ABL1: variants seen among roughly 807,000 people sequenced by gnomAD.
ABL1 encodes tyrosine-protein kinase ABL1.
ABL1 carries 11 observed loss-of-function variants against 94.7 expected under a neutral mutation model. That is an observed-to-expected ratio of 0.12 (90% confidence interval 0.07 to 0.19). The LOEUF (loss-of-function observed/expected upper bound fraction) is 0.19. ABL1 is among the 10% of genes least tolerant of loss of function. The pLI, the probability that ABL1 is intolerant of heterozygous loss-of-function variation, is 1.00. For synonymous variants in ABL1, 656 were observed against 622.4 expected (o/e 1.05, Z -0.80); for missense variants, 1,082 against 1,489.4 (o/e 0.73, Z 4.50).
At chr9:130,876,700 CG>C (rs1831349423) in intron 7 of ABL1, among the ~76,000 whole-genome samples, 1 of 145,844 alleles carries the variant, frequency 6.9e-6, no homozygotes, top group South Asian at 2.2e-4. Context: ...GGATTACAGG[CG>C]TGAGCCACCA....
intron 1 of ABL1, among the ~76,000 whole-genome samples, chr9:130,819,263 A>C (rs1830327414): frequency 1.3e-5 from 2 of 152,108 alleles, no homozygotes; most frequent in Non-Finnish European, 2.9e-5. Context: ...GAGGCAGGAG[A>C]ATCGCTTGAA....
At chr9:130,738,356 T>G (rs1278116449) in intron 1 of ABL1, among the ~76,000 whole-genome samples, 1 of 152,226 alleles carries the variant, frequency 6.6e-6, no homozygotes, top group African/African-American at 2.4e-5. Context: ...GAATAACTTT[T>G]AATATTTAAT....
chr9:130,858,010 G>A (rs184618763), intron 3 of ABL1, among the ~76,000 whole-genome samples: 1 of 152,108 alleles, frequency 6.6e-6, no homozygotes, highest in African/African-American at 2.4e-5. Flanking sequence ...AGGGTGCACC[G>A]CCCATGGGGG....
At chr9:130,768,481 A>G (rs1316158606) in intron 1 of ABL1, among the ~76,000 whole-genome samples, 1 of 152,156 alleles carries the variant, frequency 6.6e-6, no homozygotes, top group Non-Finnish European at 1.5e-5. Context: ...GGAAGTTTCC[A>G]CTGATGACCA....
chr9:130,848,345 G>GAAA (rs34112720), intron 1 of ABL1, among the ~76,000 whole-genome samples: 17 of 69,714 alleles, frequency 2.4e-4, no homozygotes, highest in Admixed American at 4.7e-4. Context: ...TACTGAAAAT[G>GAAA]AAAAAAAAAA....
In ABL1 at chr9:130,814,603, C is replaced by T. The variant is rs926336704; in HGVS notation, c.137-39461C>T. Among the ~76,000 whole-genome samples the T allele has an allele frequency of 4.6e-5, 7 of 152,206 alleles. No homozygotes were observed. The highest frequency in any genetic ancestry group is 1.2e-4 in the African/African-American group (5 of 41,462). On this transcript the variant is annotated intron_variant, in intron 1 of 10. Coordinates refer to the ABL1 transcript ENST00000372348. This position sits in a 1 kb window ranked among gnomAD's most constrained non-coding sequence, Gnocchi z 4.4. ...ACTCAAGAAGTAACCATCTGCCGGG[C>T]GCAGTGGCTTACGCCTGTAATCCCA...
chr9:130,732,885 T>C (rs982617358), intron 1 of ABL1, among the ~76,000 whole-genome samples: 1 of 152,176 alleles, frequency 6.6e-6, no homozygotes. Flanking sequence ...GCGTGGCTTG[T>C]TCCTCAAGTG....
At chr9:130,726,655 G>A (rs924727724) in intron 1 of ABL1, among the ~76,000 whole-genome samples, 1 of 150,386 alleles carries the variant, frequency 6.6e-6, no homozygotes, top group Non-Finnish European at 1.5e-5. Flanking sequence ...ATTTTTTTTT[G>A]TAGAGATAGG....
intron 4 of ABL1, among the ~76,000 whole-genome samples, chr9:130,864,255 T>C (rs1182178604): frequency 1.3e-5 from 2 of 152,188 alleles, no homozygotes; most frequent in South Asian, 2.1e-4. Context: ...CTTTTTCTTT[T>C]CTTTTTTTGA....
chr9:130,876,457 G>C (rs970416167), intron 7 of ABL1, among the ~76,000 whole-genome samples: 3 of 147,438 alleles, frequency 2.0e-5, no homozygotes, highest in African/African-American at 7.8e-5. Context: ...GGGGTACAAA[G>C]TACAGGCTGG....
chr9:130,812,047 G>A (rs1467774419), intron 1 of ABL1, among the ~76,000 whole-genome samples: 1 of 151,376 alleles, frequency 6.6e-6, no homozygotes, highest in East Asian at 1.9e-4. Context: ...AAGATGGTAG[G>A]TTAAAATTCA....
At chr9:130,806,134 C>T (rs748060999) in intron 1 of ABL1, among the ~76,000 whole-genome samples, 1 of 152,152 alleles carries the variant, frequency 6.6e-6, no homozygotes, top group Non-Finnish European at 1.5e-5. Context: ...TCTACAGAAG[C>T]TGGTCAAAGA....
Position 130,737,261 on chromosome 9 carries a change from T to C in ABL1, c.136+22806T>C, listed in dbSNP as rs182946425. Among the ~76,000 whole-genome samples, 570 of 152,144 alleles carry C rather than the reference T, an allele frequency of 3.7e-3. 5 individuals are homozygous for C. The highest frequency in any genetic ancestry group is 0.013 in the African/African-American group (540 of 41,512). On this transcript the variant is annotated intron_variant, in intron 1 of 10. Transcript: ENST00000372348. ...TTCAGTTTTAAAATTTAAAAAAAAA[T>C]TTATTTTATTTATGTATTTATTTTG... is the stretch of plus-strand genomic sequence containing the variant.
At chr9:130,817,945 C>T (rs1254899841) in intron 1 of ABL1, among the ~76,000 whole-genome samples, 1 of 152,104 alleles carries the variant, frequency 6.6e-6, no homozygotes, top group Non-Finnish European at 1.5e-5. Flanking sequence ...TTTCATTTCT[C>T]TTCGGTAAAT....
intron 1 of ABL1, among the ~76,000 whole-genome samples, chr9:130,839,966 C>T (rs575363258): frequency 6.6e-6 from 1 of 152,194 alleles, no homozygotes; most frequent in Non-Finnish European, 1.5e-5. Context: ...GCTCACTGTA[C>T]CTTGGTGTTC....
At chr9:130,790,207 A>G (rs1252494135) in intron 1 of ABL1, among the ~76,000 whole-genome samples, 1 of 152,256 alleles carries the variant, frequency 6.6e-6, no homozygotes, top group African/African-American at 2.4e-5. Context: ...TGAGGTTTAA[A>G]TGTAGAGTTC....
intron 1 of ABL1, among the ~76,000 whole-genome samples, chr9:130,739,165 A>G (rs1831783210): frequency 6.6e-6 from 1 of 152,156 alleles, no homozygotes; most frequent in African/African-American, 2.4e-5. Flanking sequence ...AAGTGCTGGG[A>G]TTACAGGCGT....
chr9:130,728,498 G>C (rs1462277087), intron 1 of ABL1, among the ~76,000 whole-genome samples: 1 of 148,560 alleles, frequency 6.7e-6, no homozygotes, highest in East Asian at 2.0e-4. Context: ...CCATTCTCCT[G>C]CCTCAGCCTC....
rs971577563 is a variant in ABL1, at chr9:130,884,311, G to A, written c.2021G>A (p.Arg674Gln). Residue 674 changes from arginine (R) to glutamine (Q), a missense_variant, in exon 11 of 11, where the codon CGG becomes CAG. Around this residue, in one of 7 missense-constraint regions of ABL1, gnomAD observed 780 missense variants for 835.8 expected, o/e 0.93. Coordinates refer to ENST00000318560, the MANE Select transcript of ABL1 (RefSeq NM_005157.6). The surrounding 1 kb of genome is among the most constrained non-coding windows in gnomAD (Gnocchi z 5.6). ...GCTGGGGTCCCCAATGGAGCCCTCC[G>A]GGAGTCCGGGGGCTCAGGCTTCCGG... ...NGAGVPNGAL[R>Q]ESGGSGFRSP... 28 of 1,610,912 alleles carry A rather than the reference G, an allele frequency of 1.7e-5. No individual in the cohort carries two copies. Among genetic ancestry groups the A allele is most frequent in the South Asian group, 3.3e-5 (3 of 90,930 alleles).
Sources: gnomAD v4.1 joint callset for allele counts (sites outside exome capture counted in the v4.1 genomes callset) on GRCh38, gnomAD v4.1.1 for gene constraint, gnomAD v4.1.1 regional missense constraint, Gnocchi (gnomAD v3.1) non-coding constraint, MANE v1.5 for transcripts, NCBI Gene and HGNC (gene_info 2026-07-23, HGNC 2026-07-21) for gene names.